The following ITGAV variants were observed in gnomAD, a reference collection of about 807,000 sequenced individuals.
ITGAV encodes integrin alpha-V.
ITGAV carries 76 observed loss-of-function variants against 143.8 expected under a neutral mutation model. The ratio of observed to expected loss-of-function variants is 0.53; its 90% CI spans 0.44 to 0.64. The LOEUF is 0.64. ITGAV is among the 30% of genes least tolerant of loss of function. The pLI, the probability that ITGAV is intolerant of heterozygous loss-of-function variation, is 0.00. For missense variants in ITGAV, 1,193 were observed against 1,274.7 expected, an observed-to-expected ratio of 0.94 and a Z score of 0.98; for synonymous variants, 453 against 446.7, an observed-to-expected ratio of 1.01 and a Z score of -0.18.
intron 12 of ITGAV, among the ~76,000 whole-genome samples, chr2:186,643,603 C>G (rs915922741): frequency 6.6e-6 from 1 of 152,142 alleles, no homozygotes; most frequent in Non-Finnish European, 1.5e-5. Context: ...TACCCCCACC[C>G]TAGGCATCAT....
intron 1 of ITGAV, among the ~76,000 whole-genome samples, chr2:186,601,715 C>G (rs553342655): frequency 2.0e-5 from 3 of 152,046 alleles, no homozygotes; most frequent in African/African-American, 7.2e-5. Context: ...AAGAGCTTTA[C>G]TGAGATATGT....
chr2:186,627,661 A>C (rs1366305347), intron 4 of ITGAV, among the ~76,000 whole-genome samples: 5 of 152,194 alleles, frequency 3.3e-5, no homozygotes, highest in Admixed American at 3.3e-4. Context: ...TTATTGGAAT[A>C]CAGCCACACC....
rs1188329567 is a variant in ITGAV at position 186,679,736 on chromosome 2, A to C, written c.*2444A>C. 6.6e-6 allele frequency: 1 copy of C among 152,072 alleles called. No homozygotes were observed. Among genetic ancestry groups the C allele is most frequent in the African/African-American group, 2.4e-5 (1 of 41,454 alleles). The allele number at this position is 152,072 out of a possible 1,614,324, so 9.4% of individuals were successfully genotyped here. A position where few individuals can be genotyped will look rare whatever the true frequency, so the allele number is the denominator to read the frequency against. ...TGATTTTTATATAGGTATTTATTTCAGAATTGATATTTTGAGAAAAATACA... is the reference window on the plus strand; with the variant it reads ...TGATTTTTATATAGGTATTTATTTCCGAATTGATATTTTGAGAAAAATACA... On this transcript the variant is annotated 3_prime_UTR_variant, in exon 30 of 30. Coordinates refer to ENST00000261023, the MANE Select transcript of ITGAV (RefSeq NM_002210.5).
chr2:186,625,328 C>T (rs2105689781), intron 3 of ITGAV, 145 bp from the exon 4 acceptor site: 1 of 608,588 alleles, frequency 1.6e-6, no homozygotes, highest in East Asian at 2.8e-5. Context: ...GCCATGATCA[C>T]GTCACTGCAC....
chr2:186,641,780 A>G (rs541752284), intron 12 of ITGAV, 192 bp downstream of exon 12: 14 of 582,096 alleles, frequency 2.4e-5, no homozygotes, highest in Non-Finnish European at 4.0e-5. Context: ...AAAGATTTCA[A>G]TAATGGACTC....
Position 186,621,838 on chromosome 2 carries a change from G to A in ITGAV, c.317-501G>A, listed in dbSNP as rs139020798. 1.1e-4 allele frequency among the ~76,000 whole-genome samples: 17 copies of A among 152,196 alleles called. 1 individual carries two copies. The highest frequency in any genetic ancestry group is 2.9e-4 in the African/African-American group (12 of 41,556). Reference sequence around the variant, plus strand: ...AATAAATGTTTGATTGTAGTGTGCCGTATTGAATTCTTTTTTCTACCAACC... The same window carrying A: ...AATAAATGTTTGATTGTAGTGTGCCATATTGAATTCTTTTTTCTACCAACC... On this transcript the variant is annotated intron_variant, in intron 2 of 29. Transcript: ENST00000261023.
At position 186,648,134 on chromosome 2, in the gene ITGAV, G is replaced by A. The variant is rs539331512; in HGVS notation, c.1351+1257G>A. On this transcript the variant is annotated intron_variant, in intron 13 of 29. Transcript: ENST00000261023. ...TTTCTGTTTCCCTTTGTAACAAATA[G>A]CTGCATCATATCTTATTTACCTTTT... Among the ~76,000 whole-genome samples the A allele has an allele frequency of 1.1e-4, 17 of 152,200 alleles. No homozygotes were observed. The South Asian group carries it at 3.3e-3, about 30-fold the overall frequency.
At chr2:186,666,245 T>G (rs976197943) in intron 21 of ITGAV, among the ~76,000 whole-genome samples, 1 of 152,210 alleles carries the variant, frequency 6.6e-6, no homozygotes, top group Non-Finnish European at 1.5e-5. Context: ...GGGAGTGTTA[T>G]GAGAGGTGTG....
chr2:186,613,653 T>C (rs1419638638), intron 2 of ITGAV, among the ~76,000 whole-genome samples: 1 of 152,138 alleles, frequency 6.6e-6, no homozygotes, highest in Non-Finnish European at 1.5e-5. Flanking sequence ...TCAATACAGG[T>C]AAGTTTCAAG....
At chr2:186,674,944 T>C (rs892260515) in intron 26 of ITGAV, among the ~76,000 whole-genome samples, 2 of 152,222 alleles carry the variant, frequency 1.3e-5, no homozygotes, top group African/African-American at 4.8e-5. Flanking sequence ...CTGTGGGCTT[T>C]TTATCAATGC....
chr2:186,632,489 GA>G (rs1318358308), intron 5 of ITGAV, among the ~76,000 whole-genome samples: 20 of 151,646 alleles, frequency 1.3e-4, no homozygotes, highest in South Asian at 8.3e-4. Context: ...ATTTGGAGGG[GA>G]AAAAAAATTT....
chr2:186,592,301 T>C (rs1686635219), intron 1 of ITGAV, among the ~76,000 whole-genome samples: 1 of 152,118 alleles, frequency 6.6e-6, no homozygotes, highest in Non-Finnish European at 1.5e-5. Flanking sequence ...TAACCGGGCA[T>C]GGTGGTGCAC....
Position 186,676,820 on chromosome 2 carries a change from C to G in ITGAV, c.2936C>G (p.Thr979Ser). 3 of 1,613,904 alleles carry G rather than the reference C, an allele frequency of 1.9e-6. No homozygotes were observed. Among genetic ancestry groups the G allele is most frequent in the Non-Finnish European group, 2.5e-6 (3 of 1,179,874 alleles). ...AGCTTTTTTCCTCGATAGGTTACCACTAATGTCACCTGGGGCATTCAGCCA... is the reference window on the plus strand; with the variant it reads ...AGCTTTTTTCCTCGATAGGTTACCAGTAATGTCACCTGGGGCATTCAGCCA... ...EDITNSTLVTTNVTWGIQPAP... is the reference protein window; with the variant it reads ...EDITNSTLVTSNVTWGIQPAP... Residue 979 changes from threonine (T) to serine (S), a missense_variant, in exon 29 of 30, where the codon ACT (threonine) becomes AGT (serine). Transcript: ENST00000261023.
At chr2:186,668,564 T>C (rs1225825339) in intron 24 of ITGAV, 198 bp from the exon 25 acceptor site, 1 of 515,234 alleles carries the variant, frequency 1.9e-6, no homozygotes, top group African/African-American at 2.0e-5. Flanking sequence ...TCCTGACACA[T>C]ATTACTCTGT....
At chr2:186,598,292 T>TACACAC (rs762146049) in intron 1 of ITGAV, among the ~76,000 whole-genome samples, 1,078 of 43,740 alleles carry the variant, frequency 0.025, 8 homozygotes, top group African/African-American at 0.069. Context: ...TATTATAATT[T>TACACAC]ATACACACAC....
Position 186,622,401 on chromosome 2 carries a change from T to G in ITGAV, c.379T>G (p.Ser127Ala). 1 of 1,613,520 alleles carries G rather than the reference T, an allele frequency of 6.2e-7. No homozygotes were observed. The highest frequency in any genetic ancestry group is 8.5e-7 in the Non-Finnish European group (1 of 1,179,426). Reference protein sequence around the residue: ...EFKSHQWFGASVRSKQDKILA... With the variant: ...EFKSHQWFGAAVRSKQDKILA... ...TAAGTCCCATCAGTGGTTTGGAGCATCTGTGAGGTCGAAACAGGATAAAAT... is the reference window on the plus strand; with the variant it reads ...TAAGTCCCATCAGTGGTTTGGAGCAGCTGTGAGGTCGAAACAGGATAAAAT... The change falls in exon 3 of 30, where the codon TCT becomes GCT. Residue 127 changes from serine (S) to alanine (A), a missense_variant. Physicochemically the swap from Ser to Ala is moderately conservative, Grantham distance 99. Coordinates refer to ENST00000261023, the MANE Select transcript of ITGAV (RefSeq NM_002210.5).
At chr2:186,600,813 G>A (rs1301059635) in intron 1 of ITGAV, among the ~76,000 whole-genome samples, 2 of 152,024 alleles carry the variant, frequency 1.3e-5, no homozygotes, top group Non-Finnish European at 2.9e-5. Context: ...ATAAAAATTA[G>A]CCAGGCGTGG....
intron 25 of ITGAV, among the ~76,000 whole-genome samples, chr2:186,669,316 C>A (rs1403160898): frequency 6.6e-6 from 1 of 152,176 alleles, no homozygotes; most frequent in Non-Finnish European, 1.5e-5. Context: ...ATATAGTCAT[C>A]TCCATCATAG....
intron 21 of ITGAV, 96 bp from the exon 22 acceptor site, chr2:186,666,608 C>A: frequency 3.4e-6 from 2 of 583,608 alleles, no homozygotes; most frequent in South Asian, 3.6e-5. Context: ...TCAGAAAAAC[C>A]CCATTTTAGA....
Sources: gnomAD v4.1 joint callset for allele counts (sites outside exome capture counted in the v4.1 genomes callset) on GRCh38, gnomAD v4.1.1 for gene constraint, MANE v1.5 for transcripts, NCBI Gene and HGNC (gene_info 2026-07-23, HGNC 2026-07-21) for gene names.